The following TOX2 variants were observed in gnomAD, a reference collection of about 807,000 sequenced individuals.
The protein encoded by TOX2 is granulosa cell HMG box 1.
TOX2 carries 15 observed loss-of-function variants against 47.4 expected under a neutral mutation model. That is an observed-to-expected ratio of 0.32 (90% confidence interval 0.21 to 0.49). TOX2 has a LOEUF of 0.49. Ranked by LOEUF, TOX2 falls within the 20% of genes least tolerant of loss-of-function variation. TOX2 has a pLI of 0.99. For missense variants in TOX2, 622 were observed against 673.1 expected (o/e 0.92, Z 0.84); for synonymous variants, 290 against 296.6 (o/e 0.98, Z 0.23).
chr20:43,951,178 G>A (rs560606650), intron 1 of TOX2, among the ~76,000 whole-genome samples: 6 of 152,166 alleles, frequency 3.9e-5, no homozygotes, highest in Non-Finnish European at 7.3e-5. Context: ...TTAAGAGTTT[G>A]GCTTTGGAAC....
intron 4 of TOX2, 87 bp from the exon 5 acceptor site, chr20:44,054,212 G>A: frequency 7.2e-7 from 1 of 1,393,246 alleles, no homozygotes; most frequent in East Asian, 2.5e-5. Flanking sequence ...GGCTGGAGAA[G>A]TGCAGCTCGG....
intron 3 of TOX2, among the ~76,000 whole-genome samples, chr20:44,044,434 A>G (rs1238536209): frequency 6.6e-6 from 1 of 152,190 alleles, no homozygotes; most frequent in African/African-American, 2.4e-5. Flanking sequence ...AAAAAAAAAA[A>G]AAGAAATGCA....
At chr20:44,006,005 A>G (rs1364907121) in intron 2 of TOX2, among the ~76,000 whole-genome samples, 2 of 151,978 alleles carry the variant, frequency 1.3e-5, no homozygotes, top group Admixed American at 1.3e-4. Flanking sequence ...TCTAGCTTGC[A>G]CTCCTGCAAG....
intron 3 of TOX2, among the ~76,000 whole-genome samples, chr20:44,035,813 T>G (rs116051027): frequency 4.7e-4 from 72 of 152,266 alleles, no homozygotes; most frequent in African/African-American, 1.7e-3. Flanking sequence ...AGATGGAGAT[T>G]GTGCACAGCA....
chr20:43,991,991 TG>T (rs2070377107), intron 2 of TOX2, among the ~76,000 whole-genome samples: 1 of 152,116 alleles, frequency 6.6e-6, no homozygotes, highest in Non-Finnish European at 1.5e-5. Context: ...AAAAGTTCTG[TG>T]GGGAAACTGA....
At chr20:43,967,750 G>T (rs951683208) in intron 1 of TOX2, among the ~76,000 whole-genome samples, 1 of 152,138 alleles carries the variant, frequency 6.6e-6, no homozygotes, top group Non-Finnish European at 1.5e-5. Context: ...TTGAAATCAT[G>T]TTATGAATAT....
At chr20:44,025,351 G>A (rs1038948715) in intron 3 of TOX2, among the ~76,000 whole-genome samples, 3 of 150,696 alleles carry the variant, frequency 2.0e-5, no homozygotes, top group Admixed American at 6.6e-5. Context: ...ATGTCCATTC[G>A]TCGTTGGCCA....
Position 43,990,445 on chromosome 20 carries a change from G to A in TOX2, c.166-16102G>A, listed in dbSNP as rs2070349918. Among the ~76,000 whole-genome samples the A allele has an allele frequency of 5.9e-5, 9 of 152,320 alleles. 1 individual carries two copies. In the South Asian group the frequency reaches 1.9e-3, roughly 32 times the overall value. ...GCACGGGGTCCAGGCTGCAAGAGGAGCAGGCCTTGCTCTATTCTGCCCAGA... is the reference window on the plus strand; with the variant it reads ...GCACGGGGTCCAGGCTGCAAGAGGAACAGGCCTTGCTCTATTCTGCCCAGA... On this transcript the variant is annotated intron_variant, in intron 2 of 8. Transcript: ENST00000341197.
intron 2 of TOX2, among the ~76,000 whole-genome samples, chr20:43,988,915 AG>A (rs2070319872): frequency 6.6e-6 from 1 of 152,220 alleles, no homozygotes; most frequent in African/African-American, 2.4e-5. Context: ...TTGTGGCTCC[AG>A]GTAACTCTAA....
chr20:44,006,642 C>T lies in TOX2; in HGVS notation c.261C>T (p.Asp87=), dbSNP rs373771378. The T allele has an allele frequency of 6.2e-7, 1 of 1,614,028 alleles. No individual in the cohort carries two copies. Among genetic ancestry groups the T allele is most frequent in the Non-Finnish European group, 8.5e-7 (1 of 1,180,024 alleles). ...LPEPSLLHLG[D]HEASYHSLCH... is the part of the protein sequence containing the mutation. ...AGCCATCCCTCCTGCACCTGGGGGACCACGAAGCCAGCTACCACTCGCTGT... is the reference window on the plus strand; with the variant it reads ...AGCCATCCCTCCTGCACCTGGGGGATCACGAAGCCAGCTACCACTCGCTGT... The change falls in exon 3 of 9, where the codon GAC becomes GAT. Residue 87 remains aspartate, a synonymous_variant. Transcript: ENST00000341197.
At chr20:44,068,460 G>A (rs868734697) in intron 8 of TOX2, among the ~76,000 whole-genome samples, 190 bp from the exon 9 acceptor site, 3 of 151,558 alleles carry the variant, frequency 2.0e-5, no homozygotes, top group Non-Finnish European at 2.9e-5. Context: ...CTGGGTTTCC[G>A]GGAGGGGTTT....
At chr20:44,047,444 A>G (rs916794555) in intron 3 of TOX2, among the ~76,000 whole-genome samples, 3 of 152,242 alleles carry the variant, frequency 2.0e-5, no homozygotes, top group Non-Finnish European at 4.4e-5. Context: ...TAGAGAAGAA[A>G]GCAGAATTTA....
intron 5 of TOX2, among the ~76,000 whole-genome samples, chr20:44,060,627 G>A (rs138956261): frequency 7.1e-4 from 108 of 152,150 alleles, no homozygotes; most frequent in African/African-American, 2.4e-3. Flanking sequence ...GCAAATATAT[G>A]GAAATAGTTA....
intron 1 of TOX2, among the ~76,000 whole-genome samples, chr20:43,926,205 G>T (rs543837039): frequency 1.3e-5 from 2 of 152,168 alleles, no homozygotes; most frequent in South Asian, 4.2e-4. Context: ...TGGACCCTGG[G>T]CCCTTTATGT....
chr20:43,981,773 T>C (rs73290620), intron 2 of TOX2, among the ~76,000 whole-genome samples: 5,435 of 152,184 alleles, frequency 0.036, 312 homozygotes, highest in African/African-American at 0.12. Context: ...ATAAGCAGTT[T>C]TGATGTGCAG....
chr20:44,061,283 AT>A (rs1418920969), intron 5 of TOX2, among the ~76,000 whole-genome samples: 4 of 152,166 alleles, frequency 2.6e-5, no homozygotes, highest in African/African-American at 4.8e-5. Context: ...TCAGAGCTGA[AT>A]TCTATCAGAC....
chr20:44,014,707 T>C (rs2070845409), intron 3 of TOX2, among the ~76,000 whole-genome samples: 1 of 152,192 alleles, frequency 6.6e-6, no homozygotes. Flanking sequence ...GTGTCACGCA[T>C]AGGCAATTGG....
intron 5 of TOX2, among the ~76,000 whole-genome samples, chr20:44,061,426 G>A (rs952848055): frequency 2.6e-5 from 4 of 152,066 alleles, no homozygotes; most frequent in Non-Finnish European, 4.4e-5. Flanking sequence ...CTGCAGGCCA[G>A]TATTCCTTCT....
At chr20:44,010,790 G>A (rs149991808) in intron 3 of TOX2, among the ~76,000 whole-genome samples, 298 of 152,242 alleles carry the variant, frequency 2.0e-3, no homozygotes, top group Non-Finnish European at 3.5e-3. Flanking sequence ...ACCCCAAGGT[G>A]GCAGATGATT....
Sources: gnomAD v4.1 joint callset for allele counts (sites outside exome capture counted in the v4.1 genomes callset) on GRCh38, gnomAD v4.1.1 for gene constraint, MANE v1.5 for transcripts, NCBI Gene and HGNC (gene_info 2026-07-23, HGNC 2026-07-21) for gene names.